Variants in GFRA1 observed in about 807,000 individuals in gnomAD.
GFRA1 encodes GDNF family receptor alpha-1.
GFRA1 carries 16 observed loss-of-function variants against 51.6 expected under a neutral mutation model. That is an observed-to-expected ratio of 0.31 (90% CI 0.21 to 0.47). The LOEUF is 0.47. Among genes scored for constraint, GFRA1 ranks in the 20% least tolerant of loss-of-function variants. The pLI, the probability that GFRA1 is intolerant of heterozygous loss-of-function variation, is 1.00. For missense variants in GFRA1, 530 were observed against 594.3 expected, an observed-to-expected ratio of 0.89 and a Z score of 1.13; for synonymous variants, 270 against 241.3, an observed-to-expected ratio of 1.12 and a Z score of -1.10.
intron 7 of GFRA1, among the ~76,000 whole-genome samples, 183 bp downstream of exon 7, chr10:116,096,471 AT>A (rs1306628666): frequency 2.2e-5 from 3 of 137,664 alleles, no homozygotes; most frequent in East Asian, 4.2e-4. Context: ...CCATTATCCC[AT>A]TTTTTTCTTC....
intron 5 of GFRA1, among the ~76,000 whole-genome samples, chr10:116,126,296 T>G (rs542820680): frequency 2.2e-4 from 33 of 152,352 alleles, no homozygotes; most frequent in African/African-American, 7.9e-4. Context: ...TCCAGGAAGC[T>G]CACAGAGCAT....
intron 9 of GFRA1, among the ~76,000 whole-genome samples, chr10:116,085,315 C>T (rs1259994796): frequency 1.3e-5 from 2 of 152,076 alleles, no homozygotes; most frequent in African/African-American, 4.8e-5. Context: ...ACTCAAGTCC[C>T]CAAGAGTTTT....
chr10:116,074,368 G>T (rs1450105369), intron 9 of GFRA1, among the ~76,000 whole-genome samples: 2 of 152,178 alleles, frequency 1.3e-5, no homozygotes, highest in African/African-American at 4.8e-5. Context: ...AGCTAAGGAA[G>T]GTTCTGAGAG....
At chr10:116,113,763 C>G (rs1361289262) in intron 6 of GFRA1, among the ~76,000 whole-genome samples, 2 of 152,190 alleles carry the variant, frequency 1.3e-5, no homozygotes, top group South Asian at 2.1e-4. Flanking sequence ...AGCGGCACCA[C>G]TTGGGTGATG....
intron 5 of GFRA1, among the ~76,000 whole-genome samples, chr10:116,170,422 A>T (rs1343631045): frequency 6.6e-6 from 1 of 152,212 alleles, no homozygotes; most frequent in Non-Finnish European, 1.5e-5. Context: ...TAATATGACC[A>T]GGTATCATAC....
intron 5 of GFRA1, among the ~76,000 whole-genome samples, chr10:116,205,926 TCA>T (rs55780139): frequency 0.053 from 7,592 of 142,498 alleles, 243 homozygotes; most frequent in African/African-American, 0.11. Flanking sequence ...TTTCCTCATA[TCA>T]CACACACACA....
At chr10:116,214,759 G>A (rs2134459808) in intron 4 of GFRA1, among the ~76,000 whole-genome samples, 1 of 152,284 alleles carries the variant, frequency 6.6e-6, no homozygotes, top group African/African-American at 2.4e-5. Flanking sequence ...TTTTGACAAG[G>A]AGCACTTCCT....
At chr10:116,267,183 G>A (rs554268786) in intron 4 of GFRA1, among the ~76,000 whole-genome samples, 19 of 152,150 alleles carry the variant, frequency 1.2e-4, no homozygotes, top group Admixed American at 4.6e-4. Flanking sequence ...ACTCCATTGC[G>A]GGCAGGCACG....
At position 116,233,421 on chromosome 10, in the gene GFRA1, A is replaced by G. The variant is rs545752130; in HGVS notation, c.419-21776T>C. On this transcript the variant is annotated intron_variant, in intron 4 of 10. Coordinates refer to ENST00000355422, the MANE Select transcript of GFRA1 (RefSeq NM_005264.8). ...TTAAAATATAAGGATTCCCTGCCTT[A>G]GGGAGTTCTCAGGATTAATTCCCAG... Among the ~76,000 whole-genome samples the G allele has an allele frequency of 1.6e-3, 239 of 152,130 alleles. 2 individuals are homozygous for G. The highest frequency in any genetic ancestry group is 2.3e-3 in the Non-Finnish European group (159 of 68,026).
At chr10:116,104,170 G>A (rs907982674) in intron 6 of GFRA1, among the ~76,000 whole-genome samples, 4 of 152,336 alleles carry the variant, frequency 2.6e-5, no homozygotes, top group South Asian at 4.1e-4. Flanking sequence ...ACTGATGTGC[G>A]TATGGCAGTT....
chr10:116,098,594 C>G (rs2133917870), intron 6 of GFRA1, among the ~76,000 whole-genome samples: 1 of 152,356 alleles, frequency 6.6e-6, no homozygotes, highest in South Asian at 2.1e-4. Flanking sequence ...CGGTTCTGCA[C>G]ACAACCTGGC....
intron 9 of GFRA1, among the ~76,000 whole-genome samples, chr10:116,086,766 C>G (rs998247359): frequency 1.3e-5 from 2 of 152,202 alleles, no homozygotes; most frequent in Non-Finnish European, 2.9e-5. Flanking sequence ...ATGTCCCCCT[C>G]TGCCAAGGAG....
intron 4 of GFRA1, among the ~76,000 whole-genome samples, chr10:116,234,896 G>C (rs1474844327): frequency 6.6e-6 from 1 of 152,148 alleles, no homozygotes; most frequent in Non-Finnish European, 1.5e-5. Context: ...TCATGATAGT[G>C]AGTGAGTTCT....
At chr10:116,092,114 C>CACA (rs879772377) in intron 8 of GFRA1, among the ~76,000 whole-genome samples, 38 of 150,980 alleles carry the variant, frequency 2.5e-4, no homozygotes, top group Non-Finnish European at 4.3e-4. Flanking sequence ...CACACACACA[C>CACA]ACACACACAC....
intron 6 of GFRA1, among the ~76,000 whole-genome samples, chr10:116,097,889 C>T (rs556830832): frequency 6.2e-4 from 94 of 152,278 alleles, no homozygotes; most frequent in Middle Eastern, 3.4e-3. Context: ...GGAACCAAGA[C>T]GGATAGGATG....
Position 116,176,195 on chromosome 10 carries a change from C to T in GFRA1, c.433+35436G>A, listed in dbSNP as rs938306752. ...TATTTACTAAGAGCCTACTACGTGT[C>T]GGCGCTCTGAAAAAAGTATGTGACA... On this transcript the variant is annotated intron_variant, in intron 5 of 10. Transcript: ENST00000355422. 1.2e-4 allele frequency among the ~76,000 whole-genome samples: 19 copies of T among 152,192 alleles called. No homozygotes were observed. The East Asian group carries it at 2.3e-3, about 19-fold the overall frequency.
chr10:116,096,902 TACAC>T, intron 6 of GFRA1, 138 bp from the exon 7 acceptor site: 1 of 641,304 alleles, frequency 1.6e-6, no homozygotes, highest in Non-Finnish European at 2.8e-6. Flanking sequence ...CACACACACA[TACAC>T]ACAAAATACG....
At chr10:116,143,656 TTCTCTCTCTCTCTC>T (rs3837365) in intron 5 of GFRA1, among the ~76,000 whole-genome samples, 1 of 150,032 alleles carries the variant, frequency 6.7e-6, no homozygotes, top group Non-Finnish European at 1.5e-5. Context: ...GTTTCATTCA[TTCTCTCTCTCTCTC>T]TCTCTCTCTC....
intron 5 of GFRA1, among the ~76,000 whole-genome samples, chr10:116,136,486 C>G (rs919465019): frequency 2.6e-5 from 4 of 152,222 alleles, no homozygotes; most frequent in African/African-American, 9.6e-5. Flanking sequence ...AAACCCCCCT[C>G]TTCCCCCTCC....
Sources: allele counts gnomAD v4.1 joint callset (sites outside exome capture counted in the v4.1 genomes callset), GRCh38; gene constraint gnomAD v4.1.1; transcripts MANE v1.5; gene names NCBI Gene and HGNC (gene_info 2026-07-23, HGNC 2026-07-21).